Variants in DCTN5 observed in about 807,000 individuals in gnomAD.
DCTN5 encodes dynactin subunit 5.
Under a neutral mutation model 23.5 loss-of-function variants are expected in DCTN5, and 14 were observed. That is an observed-to-expected ratio of 0.60 (90% CI 0.39 to 0.93). DCTN5 has a LOEUF of 0.93. Among genes scored for constraint, DCTN5 ranks in the 40% least tolerant of loss-of-function variants. The pLI, the probability that DCTN5 is intolerant of heterozygous loss-of-function variation, is 0.00. For missense variants in DCTN5, 156 were observed against 225.9 expected (o/e 0.69, Z 1.98); for synonymous variants, 67 against 79.6 (o/e 0.84, Z 0.84).
chr16:23,654,265 G>C (rs945183569), intron 2 of DCTN5, among the ~76,000 whole-genome samples: 54 of 152,150 alleles, frequency 3.5e-4, no homozygotes, highest in African/African-American at 1.2e-3. Context: ...CAAAGACATG[G>C]AATCAACCTA....
Position 23,673,532 on chromosome 16 carries a change from C to A in DCTN5, c.*6388C>A, listed in dbSNP as rs1321624262. The A allele has an allele frequency of 6.6e-6, 1 of 152,244 alleles. No homozygotes were observed. Among genetic ancestry groups the A allele is most frequent in the Non-Finnish European group, 1.5e-5 (1 of 68,044 alleles). 9.4% of individuals were successfully genotyped at this position (152,244 alleles called of 1,614,324 possible). A position where few individuals can be genotyped will look rare whatever the true frequency, so the allele number is the denominator to read the frequency against. ...CTGGTTGATTTCATTGCTTAAAAAA[C>A]ATACCTTAGCTGGACGCAGTGGCGT... On this transcript the variant is annotated 3_prime_UTR_variant, in exon 6 of 6. Transcript: ENST00000300087.
Position 23,669,516 on chromosome 16 carries a change from G to GA in DCTN5, c.*2373dup, listed in dbSNP as rs1378244921. 1.3e-5 allele frequency: 2 copies of GA among 152,302 alleles called. No individual in the cohort carries two copies. The highest frequency in any genetic ancestry group is 4.8e-5 in the African/African-American group (2 of 41,420). The allele number at this position is 152,302 out of a possible 1,614,324, so 9.4% of individuals were successfully genotyped here. ...CTCAAGTCATCATTGTGGCCAGGAAGATGGAATACACCAAATGGACAGGCC... is the reference window on the plus strand; with the variant it reads ...CTCAAGTCATCATTGTGGCCAGGAAGAATGGAATACACCAAATGGACAGGCC... On this transcript the variant is annotated 3_prime_UTR_variant, in exon 6 of 6. Transcript: ENST00000300087.
intron 2 of DCTN5, among the ~76,000 whole-genome samples, chr16:23,651,908 G>T (rs766927381): frequency 6.6e-6 from 1 of 152,044 alleles, no homozygotes. Flanking sequence ...GATGGCATGC[G>T]CCTGTAATCC....
At chr16:23,659,377 C>A (rs1364304451) in intron 3 of DCTN5, among the ~76,000 whole-genome samples, 1 of 152,212 alleles carries the variant, frequency 6.6e-6, no homozygotes, top group African/African-American at 2.4e-5. Context: ...TGCTTCTCTC[C>A]TCCTTGACTA....
intron 2 of DCTN5, among the ~76,000 whole-genome samples, chr16:23,646,287 T>C (rs8052885): frequency 0.045 from 6,787 of 152,286 alleles, 233 homozygotes; most frequent in Non-Finnish European, 0.064. Context: ...GTGTTGTCTT[T>C]TTCTTATTGA....
At chr16:23,656,229 TAAAC>T (rs752632298) in intron 2 of DCTN5, among the ~76,000 whole-genome samples, 3 of 152,018 alleles carry the variant, frequency 2.0e-5, no homozygotes, top group Non-Finnish European at 4.4e-5. Context: ...CCTGTCTCTA[TAAAC>T]AAACAAAAAT....
At chr16:23,648,297 G>A (rs8063668) in intron 2 of DCTN5, among the ~76,000 whole-genome samples, 9,404 of 147,662 alleles carry the variant, frequency 0.064, 610 homozygotes, top group African/African-American at 0.16. Context: ...AGTAGCTTAT[G>A]CTACGGGCAT....
At chr16:23,641,712 T>C in intron 1 of DCTN5, 122 bp downstream of exon 1, 1 of 989,194 alleles carries the variant, frequency 1.0e-6, no homozygotes, top group Non-Finnish European at 1.6e-6. Context: ...AGTCCCGGAT[T>C]ATCTAGCGAT....
In DCTN5 at chr16:23,673,557, T is replaced by C. The variant is rs540762145; in HGVS notation, c.*6413T>C. 98 of 152,378 alleles carry C rather than the reference T, an allele frequency of 6.4e-4. No homozygotes were observed. Among genetic ancestry groups the C allele is most frequent in the African/African-American group, 2.3e-3 (96 of 41,588 alleles). 9.4% of individuals were successfully genotyped at this position (152,378 alleles called of 1,614,324 possible). On this transcript the variant is annotated 3_prime_UTR_variant, in exon 6 of 6. Transcript: ENST00000300087. ...CATACCTTAGCTGGACGCAGTGGCG[T>C]GCGCCTGTAGTCCCAGCTACTCATC...
Position 23,671,667 on chromosome 16 carries a change from T to G in DCTN5, c.*4523T>G, listed in dbSNP as rs1333745892. ...CAAAATCCATGTTTTATGCAGCTCCTCCACTATCTTGGCCTCCAAGGCAGC... is the reference window on the plus strand; with the variant it reads ...CAAAATCCATGTTTTATGCAGCTCCGCCACTATCTTGGCCTCCAAGGCAGC... On this transcript the variant is annotated 3_prime_UTR_variant, in exon 6 of 6. Transcript: ENST00000300087. 6.6e-6 allele frequency: 1 copy of G among 152,230 alleles called. No individual in the cohort carries two copies. Among genetic ancestry groups the G allele is most frequent in the Non-Finnish European group, 1.5e-5 (1 of 68,034 alleles). 9.4% of individuals were successfully genotyped at this position (152,230 alleles called of 1,614,324 possible).
chr16:23,644,821 G>A (rs1278415676), intron 2 of DCTN5, among the ~76,000 whole-genome samples: 1 of 151,006 alleles, frequency 6.6e-6, no homozygotes, highest in Non-Finnish European at 1.5e-5. Flanking sequence ...TGAGACAGTT[G>A]CCCAGGCTGG....
At chr16:23,651,881 A>G (rs1421300099) in intron 2 of DCTN5, among the ~76,000 whole-genome samples, 3 of 152,110 alleles carry the variant, frequency 2.0e-5, no homozygotes, top group African/African-American at 7.2e-5. Flanking sequence ...CTAAAAATAC[A>G]AAAATTAGCC....
Position 23,674,715 on chromosome 16 carries a change from T to C in DCTN5, c.*7571T>C, listed in dbSNP as rs1240878697. 2 of 152,242 alleles carry C rather than the reference T, an allele frequency of 1.3e-5. No individual in the cohort carries two copies. Among genetic ancestry groups the C allele is most frequent in the African/African-American group, 4.8e-5 (2 of 41,464 alleles). The allele number at this position is 152,242 out of a possible 1,614,324, so 9.4% of individuals were successfully genotyped here. ...TTATGTAAACACATTTTGAAATTTT[T>C]AAAAATTCAGGGTTTCATCCTTTAT... On this transcript the variant is annotated 3_prime_UTR_variant, in exon 6 of 6. Transcript: ENST00000300087.
chr16:23,658,468 C>T lies in DCTN5; in HGVS notation c.118-39C>T, dbSNP rs1344471978. Reference sequence around the variant, plus strand: ...TACTCTTTTTTTGTTACGTCTTAGGCTATGTTGCTAATTTTTTAAAATTTG... The same window carrying T: ...TACTCTTTTTTTGTTACGTCTTAGGTTATGTTGCTAATTTTTTAAAATTTG... On this transcript the variant is annotated intron_variant, in intron 2 of 5. Transcript: ENST00000300087. 2.2e-6 allele frequency: 3 copies of T among 1,346,902 alleles called. No homozygotes were observed. In the South Asian group the frequency reaches 3.5e-5, roughly 16 times the overall value. The allele number at this position is 1,346,902 out of a possible 1,614,324, so 83.4% of individuals were successfully genotyped here. A position where few individuals can be genotyped will look rare whatever the true frequency, so the allele number is the denominator to read the frequency against.
In DCTN5 at chr16:23,665,741, G is replaced by A. The variant is rs764386974; in HGVS notation, c.451+13G>A. On this transcript the variant is annotated intron_variant, in intron 5 of 5. Transcript: ENST00000300087. Reference sequence around the variant, plus strand: ...TCAGGCTGCCCAGGTAACCTTGGCTGTTGATTAATTTTATTTTAACTTCCT... The same window carrying A: ...TCAGGCTGCCCAGGTAACCTTGGCTATTGATTAATTTTATTTTAACTTCCT... 18 of 1,601,916 alleles carry A rather than the reference G, an allele frequency of 1.1e-5. No homozygotes were observed. The Admixed American group carries it at 3.1e-4, about 28-fold the overall frequency.
At chr16:23,645,125 A>G (rs1312304122) in intron 2 of DCTN5, among the ~76,000 whole-genome samples, 2 of 31,790 alleles carry the variant, frequency 6.3e-5, no homozygotes, top group Admixed American at 4.0e-4. Context: ...ATATATATAT[A>G]TATATATATA....
chr16:23,659,020 C>G (rs984449352), intron 3 of DCTN5, among the ~76,000 whole-genome samples: 2 of 152,152 alleles, frequency 1.3e-5, no homozygotes, highest in Non-Finnish European at 2.9e-5. Context: ...TACTGCCCTT[C>G]TCTCTGCATT....
At chr16:23,647,934 T>C (rs117998954) in intron 2 of DCTN5, among the ~76,000 whole-genome samples, 1,952 of 152,324 alleles carry the variant, frequency 0.013, 21 homozygotes, top group Non-Finnish European at 0.02. Context: ...AACTGAAGAA[T>C]TGGAACATAA....
intron 3 of DCTN5, among the ~76,000 whole-genome samples, chr16:23,660,566 T>A (rs1227725265): frequency 6.6e-6 from 1 of 152,222 alleles, no homozygotes; most frequent in Non-Finnish European, 1.5e-5. Flanking sequence ...TTATATATGC[T>A]CATAACTTGA....
Sources: allele counts gnomAD v4.1 joint callset (sites outside exome capture counted in the v4.1 genomes callset), GRCh38; gene constraint gnomAD v4.1.1; transcripts MANE v1.5; gene names NCBI Gene and HGNC (gene_info 2026-07-23, HGNC 2026-07-21).